The following LAD1 variants were observed in gnomAD, a reference collection of about 807,000 sequenced individuals.
The protein encoded by LAD1 is ladinin 1, also known as ladinin-1.
In LAD1, 53 loss-of-function variants were observed where a neutral mutation model predicts 54.2. That is an observed-to-expected ratio of 0.98 (90% confidence interval 0.78 to 1.23). LAD1 has a LOEUF of 1.23. LAD1 is among the 50% of genes most tolerant of loss of function. LAD1 has a pLI of 0.00. For missense variants in LAD1, 637 were observed against 653.3 expected, an observed-to-expected ratio of 0.98 and a Z score of 0.27; for synonymous variants, 231 against 257.7, an observed-to-expected ratio of 0.90 and a Z score of 0.99.
chr1:201,390,743 C>T (rs1662184112), intron 1 of LAD1, among the ~76,000 whole-genome samples: 1 of 152,024 alleles, frequency 6.6e-6, no homozygotes, highest in East Asian at 1.9e-4. Context: ...TAGTACATGC[C>T]CCAGATGGGA....
intron 1 of LAD1, among the ~76,000 whole-genome samples, chr1:201,390,824 G>T (rs900775706): frequency 6.6e-6 from 1 of 152,162 alleles, no homozygotes; most frequent in Non-Finnish European, 1.5e-5. Context: ...GGAACCACTG[G>T]GTTGAACTGT....
intron 9 of LAD1, 68 bp from the exon 10 acceptor site, chr1:201,381,961 G>A: frequency 6.6e-7 from 1 of 1,525,944 alleles, no homozygotes; most frequent in Non-Finnish European, 9.0e-7. Context: ...GGGGGCCACT[G>A]GATAGGAAGG....
rs374204005 is a variant in LAD1, at chr1:201,381,879, C to G, written c.*9G>C. On this transcript the variant is annotated 3_prime_UTR_variant, in exon 10 of 10. Transcript: ENST00000391967. ...ACGAAGACTTGCAGGTCTGTCTTGG[C>G]GGGGCTTGTCACACCTGTGGGGCAA... 2 of 1,613,890 alleles carry G rather than the reference C, an allele frequency of 1.2e-6. No individual in the cohort carries two copies. The highest frequency in any genetic ancestry group is 1.1e-5 in the South Asian group (1 of 91,068).
intron 2 of LAD1, among the ~76,000 whole-genome samples, chr1:201,387,546 T>C (rs944351552): frequency 6.6e-6 from 1 of 152,172 alleles, no homozygotes; most frequent in Non-Finnish European, 1.5e-5. Flanking sequence ...AGACTAGAGA[T>C]GTCCAGGGAT....
At chr1:201,392,538 G>A (rs1662213647) in intron 1 of LAD1, among the ~76,000 whole-genome samples, 1 of 152,220 alleles carries the variant, frequency 6.6e-6, no homozygotes, top group Admixed American at 6.5e-5. Context: ...GTCAGCCAGT[G>A]TTCCAGGAGG....
At chr1:201,397,073 G>A (rs1029671826) in intron 1 of LAD1, among the ~76,000 whole-genome samples, 2 of 152,194 alleles carry the variant, frequency 1.3e-5, no homozygotes, top group African/African-American at 4.8e-5. Flanking sequence ...TCCCAGGGTT[G>A]GAAGACTTGA....
intron 1 of LAD1, among the ~76,000 whole-genome samples, chr1:201,390,248 A>G (rs1013612914): frequency 6.6e-6 from 1 of 151,710 alleles, no homozygotes; most frequent in Non-Finnish European, 1.5e-5. Context: ...TGACTACTCA[A>G]AAACTTAACA....
rs1311463680 is a variant in LAD1 at position 201,387,143 on chromosome 1, G to A, written c.218C>T (p.Pro73Leu). 6.5e-7 allele frequency: 1 copy of A among 1,535,314 alleles called. No individual in the cohort carries two copies. ...PSVEEAEVPK[P>L]LPPASKDEDE... ...CTCATCTTTGGAGGCTGGGGGCAGT[G>A]GCTTGGGCACCTCTGCTTCTTCCAC... The change falls in exon 3 of 10, where the codon CCA becomes CTA. Residue 73 changes from proline (P) to leucine (L), a missense_variant. Physicochemically the swap from Pro to Leu is moderately conservative, Grantham distance 98 (BLOSUM62 -3). Transcript: ENST00000391967.
chr1:201,397,059 C>G (rs759905845), intron 1 of LAD1, among the ~76,000 whole-genome samples: 4 of 152,210 alleles, frequency 2.6e-5, no homozygotes, highest in African/African-American at 7.2e-5. Flanking sequence ...CACTGCCCCC[C>G]CAATCCCAGG....
At chr1:201,394,637 C>A (rs1662257292) in intron 1 of LAD1, among the ~76,000 whole-genome samples, 1 of 152,230 alleles carries the variant, frequency 6.6e-6, no homozygotes, top group Non-Finnish European at 1.5e-5. Flanking sequence ...ATAAGGCAGG[C>A]TCCAAAGTCC....
chr1:201,386,358 G>A lies in LAD1; in HGVS notation c.1003C>T (p.Arg335Cys), dbSNP rs568741912. Residue 335 changes from arginine (R) to cysteine (C), a missense_variant, in exon 3 of 10, where the codon CGC becomes TGC. Coordinates refer to ENST00000391967, the MANE Select transcript of LAD1 (RefSeq NM_005558.4). ...ACCTGGAGTGTGACGGGTGGGAGGCGGGAGGCCACAGTCGGAGGGTCTGAA... is the reference window on the plus strand; with the variant it reads ...ACCTGGAGTGTGACGGGTGGGAGGCAGGAGGCCACAGTCGGAGGGTCTGAA... ...GASDPPTVASRLPPVTLQVKI... is the reference protein window; with the variant it reads ...GASDPPTVASCLPPVTLQVKI... 40 of 1,485,340 alleles carry A rather than the reference G, an allele frequency of 2.7e-5. No individual in the cohort carries two copies. Among genetic ancestry groups the A allele is most frequent in the Admixed American group, 7.7e-5 (3 of 39,200 alleles). The allele number at this position is 1,485,340 out of a possible 1,614,324, so 92.0% of individuals were successfully genotyped here.
intron 1 of LAD1, among the ~76,000 whole-genome samples, chr1:201,392,578 G>A (rs993218880): frequency 2.0e-5 from 3 of 152,210 alleles, no homozygotes; most frequent in African/African-American, 7.2e-5. Flanking sequence ...GCCTGCATGT[G>A]AGGAGCTGGG....
intron 4 of LAD1, among the ~76,000 whole-genome samples, chr1:201,385,260 C>G (rs1396796148): frequency 6.6e-6 from 1 of 152,226 alleles, no homozygotes; most frequent in Non-Finnish European, 1.5e-5. Context: ...CAGGACAAAG[C>G]AAGACGAGAT....
chr1:201,385,848 C>A (rs1263975641), intron 3 of LAD1, 43 bp from the exon 4 acceptor site: 4 of 1,455,426 alleles, frequency 2.7e-6, no homozygotes, highest in Non-Finnish European at 3.9e-6. Flanking sequence ...GTCTAGGGCC[C>A]ATCAAGCCGG....
intron 7 of LAD1, 27 bp from the exon 8 acceptor site, chr1:201,382,766 G>C: frequency 6.5e-7 from 1 of 1,542,536 alleles, no homozygotes; most frequent in Non-Finnish European, 8.8e-7. Context: ...CCATCTCAGG[G>C]TTTAGGGCCC....
At position 201,389,396 on chromosome 1, in the gene LAD1, C is replaced by T. The variant is rs1662158848; in HGVS notation, c.39-93G>A. Reference sequence around the variant, plus strand: ...TAGGGCTGGGAGAAGAGACCAAATGCCCTCTAGGCCTGCACTGGCTACTAG... The same window carrying T: ...TAGGGCTGGGAGAAGAGACCAAATGTCCTCTAGGCCTGCACTGGCTACTAG... On this transcript the variant is annotated intron_variant, in intron 1 of 9. Coordinates refer to ENST00000391967, the MANE Select transcript of LAD1 (RefSeq NM_005558.4). 2.1e-6 allele frequency: 3 copies of T among 1,438,152 alleles called. No homozygotes were observed. The Admixed American group carries it at 6.3e-5, about 30-fold the overall frequency. The allele number at this position is 1,438,152 out of a possible 1,614,324, so 89.1% of individuals were successfully genotyped here.
At chr1:201,383,428 C>T (rs1358295885) in intron 5 of LAD1, 39 bp from the exon 6 acceptor site, 1 of 1,599,800 alleles carries the variant, frequency 6.3e-7, no homozygotes. Flanking sequence ...CCAAGTGAGA[C>T]ACCCAGGGAG....
At chr1:201,383,546 A>G in intron 5 of LAD1, 157 bp from the exon 6 acceptor site, 1 of 721,250 alleles carries the variant, frequency 1.4e-6, no homozygotes, top group East Asian at 2.6e-5. Context: ...CTTGGCCAAC[A>G]TGAGGAACTT....
At position 201,382,647 on chromosome 1, in the gene LAD1, G is replaced by T; in HGVS notation, c.1473+6C>A. 1 of 1,590,806 alleles carries T rather than the reference G, an allele frequency of 6.3e-7. No homozygotes were observed. The highest frequency in any genetic ancestry group is 8.6e-7 in the Non-Finnish European group (1 of 1,167,546). On this transcript the variant is annotated splice_donor_region_variant and intron_variant, in intron 8 of 9. Transcript: ENST00000391967. ...CAGTAAGAGACATCAGGGAGGGTGA[G>T]GATACCTGGGGGTCCTGATCTCCAG... is the stretch of plus-strand genomic sequence containing the variant.
Sources: allele counts gnomAD v4.1 joint callset (sites outside exome capture counted in the v4.1 genomes callset), GRCh38; gene constraint gnomAD v4.1.1; transcripts MANE v1.5; gene names NCBI Gene and HGNC (gene_info 2026-07-23, HGNC 2026-07-21).